The following ATG4B variants were observed in gnomAD, a reference collection of about 807,000 sequenced individuals.
ATG4B encodes autophagy related 4B cysteine peptidase.
A neutral mutation model predicts 56.6 loss-of-function variants in ATG4B; 29 were observed. The observed-to-expected ratio is 0.51, with a 90% CI of 0.38 to 0.70. The LOEUF (loss-of-function observed/expected upper bound fraction) is 0.70, where lower values mean the gene tolerates loss of function less well. ATG4B is among the 30% of genes least tolerant of loss of function. The pLI, the probability that ATG4B is intolerant of heterozygous loss-of-function variation, is 0.00. For synonymous variants in ATG4B, 224 were observed against 206.1 expected, an observed-to-expected ratio of 1.09 and a Z score of -0.74; for missense variants, 461 against 515.5, an observed-to-expected ratio of 0.89 and a Z score of 1.02.
At position 241,672,483 on chromosome 2, in the gene ATG4B, T is replaced by A. The variant is rs2125152985; in HGVS notation, c.*219T>A. 3.4e-6 allele frequency: 2 copies of A among 583,132 alleles called. No homozygotes were observed. The highest frequency in any genetic ancestry group is 4.6e-4 in the Middle Eastern group (1 of 2,176). 36.1% of individuals were successfully genotyped at this position (583,132 alleles called of 1,614,324 possible). A position where few individuals can be genotyped will look rare whatever the true frequency, so the allele number is the denominator to read the frequency against. On this transcript the variant is annotated 3_prime_UTR_variant, in exon 13 of 13. Transcript: ENST00000404914. ...CAGAGTGCCCGTCAGGGCCTGTGCA[T>A]CCGCACGCGGAGCCGTCTGTTAGGA...
chr2:241,647,461 A>T (rs2068095523), intron 1 of ATG4B, among the ~76,000 whole-genome samples: 1 of 151,678 alleles, frequency 6.6e-6, no homozygotes, highest in Non-Finnish European at 1.5e-5. Context: ...TACTAAAAAA[A>T]ATACAAAAAA....
Position 241,672,378 on chromosome 2 carries a change from C to G in ATG4B, c.*114C>G, listed in dbSNP as rs551843718. The G allele has an allele frequency of 2.3e-5, 22 of 953,650 alleles. No individual in the cohort carries two copies. Among genetic ancestry groups the G allele is most frequent in the African/African-American group, 3.3e-5 (2 of 61,072 alleles). The allele number at this position is 953,650 out of a possible 1,614,324, so 59.1% of individuals were successfully genotyped here. A position where few individuals can be genotyped will look rare whatever the true frequency, so the allele number is the denominator to read the frequency against. On this transcript the variant is annotated 3_prime_UTR_variant, in exon 13 of 13. Coordinates refer to ENST00000404914, the MANE Select transcript of ATG4B (RefSeq NM_013325.5). ...GGCTGCGCCCCGTGCTGCCTCCCCCCAGAGGGCCACCCGCTGTGCTCGTGG... is the reference window on the plus strand; with the variant it reads ...GGCTGCGCCCCGTGCTGCCTCCCCCGAGAGGGCCACCCGCTGTGCTCGTGG...
In ATG4B at chr2:241,668,372, T is replaced by A; in HGVS notation, c.811+151T>A. 1 of 1,356,874 alleles carries A rather than the reference T, an allele frequency of 7.4e-7. No homozygotes were observed. The highest frequency in any genetic ancestry group is 1.0e-6 in the Non-Finnish European group (1 of 978,332). 84.1% of individuals were successfully genotyped at this position (1,356,874 alleles called of 1,614,324 possible). On this transcript the variant is annotated intron_variant, in intron 9 of 12. Transcript: ENST00000404914. This position sits in a 1 kb window ranked among gnomAD's most constrained non-coding sequence, Gnocchi z 4.2. ...ATTTTCAGCCTGGTCGCGGGCGGCC[T>A]CCTGTGTGCCCCTTTCCCTGATGGT... is the stretch of plus-strand genomic sequence containing the variant.
At chr2:241,671,196 C>T (rs2068957135) in intron 11 of ATG4B, 116 bp from the exon 12 acceptor site, 3 of 892,662 alleles carry the variant, frequency 3.4e-6, no homozygotes, top group African/African-American at 1.7e-5. Flanking sequence ...TCTGTTTTCT[C>T]ATCAGTGAGA....
At chr2:241,638,634 A>T (rs944424770) in intron 1 of ATG4B, among the ~76,000 whole-genome samples, 1 of 152,050 alleles carries the variant, frequency 6.6e-6, no homozygotes, top group African/African-American at 2.4e-5. Context: ...TTTACTTTTT[A>T]TTTTTCTGGT....
chr2:241,657,225 TTCG>T (rs2068435059), intron 6 of ATG4B, among the ~76,000 whole-genome samples: 2 of 148,900 alleles, frequency 1.3e-5, no homozygotes, highest in Non-Finnish European at 3.0e-5. Context: ...TCCACCTGCC[TTCG>T]CCTCCCAGAG....
intron 1 of ATG4B, among the ~76,000 whole-genome samples, chr2:241,639,710 C>G (rs2067828331): frequency 6.6e-6 from 1 of 152,152 alleles, no homozygotes; most frequent in South Asian, 2.1e-4. Context: ...GGGTCCAGGG[C>G]TTTTATAGGC....
Position 241,672,204 on chromosome 2 carries a change from A to G in ATG4B, c.1122A>G (p.Val374=). ...VLNLSLDSSD[V]ERLERFFDSE... Reference sequence around the variant, plus strand: ...TGTTCCTTCTAGATTCTTCTGATGTAGAGCGACTGGAAAGATTCTTCGACT... The same window carrying G: ...TGTTCCTTCTAGATTCTTCTGATGTGGAGCGACTGGAAAGATTCTTCGACT... The change falls in exon 13 of 13, where the codon GTA becomes GTG. Residue 374 remains valine, a synonymous_variant. Transcript: ENST00000404914. 1 of 1,583,520 alleles carries G rather than the reference A, an allele frequency of 6.3e-7. No homozygotes were observed.
chr2:241,672,416 C>T lies in ATG4B; in HGVS notation c.*152C>T. ...GCTGTGCTCGTGGACTGAGGCTGCG[C>T]TGCCCGGGAGGCCTTACTGCTTGGT... On this transcript the variant is annotated 3_prime_UTR_variant, in exon 13 of 13. Coordinates refer to ENST00000404914, the MANE Select transcript of ATG4B (RefSeq NM_013325.5). 1.4e-6 allele frequency: 1 copy of T among 708,668 alleles called. No individual in the cohort carries two copies. Among genetic ancestry groups the T allele is most frequent in the Admixed American group, 2.6e-5 (1 of 38,040 alleles). The allele number at this position is 708,668 out of a possible 1,614,324, so 43.9% of individuals were successfully genotyped here. A position where few individuals can be genotyped will look rare whatever the true frequency, so the allele number is the denominator to read the frequency against.
intron 7 of ATG4B, 137 bp from the exon 8 acceptor site, chr2:241,666,508 T>C: frequency 1.1e-6 from 1 of 920,150 alleles, no homozygotes; most frequent in Non-Finnish European, 1.7e-6. Flanking sequence ...TTCTATATTT[T>C]CCAAGTTTGA....
At chr2:241,664,294 G>A (rs1274925469) in intron 7 of ATG4B, among the ~76,000 whole-genome samples, 2 of 152,118 alleles carry the variant, frequency 1.3e-5, no homozygotes, top group African/African-American at 2.4e-5. Context: ...TTTGGGAGGT[G>A]GAGGCAGGCA....
rs376588808 is a variant in ATG4B at position 241,655,347 on chromosome 2, T to G, written c.458+4T>G. 1 of 1,605,394 alleles carries G rather than the reference T, an allele frequency of 6.2e-7. No homozygotes were observed. Among genetic ancestry groups the G allele is most frequent in the East Asian group, 2.2e-5 (1 of 44,492 alleles). ...ACACTGTCGCCCAGGTCCTGAAGTA[T>G]GTACTGCGCTTCCACTGCTGAGCAT... On this transcript the variant is annotated splice_donor_region_variant and intron_variant, in intron 6 of 12. Coordinates refer to ENST00000404914, the MANE Select transcript of ATG4B (RefSeq NM_013325.5).
rs867768322 is a variant in ATG4B at position 241,651,783 on chromosome 2, A to G, written c.184+448A>G. ...TTGGAAGCCATTCTCTGTAGCCCTC[A>G]TCTTTTTTAGTATTTTCCACACTTA... On this transcript the variant is annotated intron_variant, in intron 3 of 12. Coordinates refer to ENST00000404914, the MANE Select transcript of ATG4B (RefSeq NM_013325.5). The surrounding 1 kb of genome is among the most constrained non-coding windows in gnomAD (Gnocchi z 4.1). 3.1e-5 allele frequency: 24 copies of G among 766,574 alleles called. No homozygotes were observed. The African/African-American group carries it at 3.4e-4, about 11-fold the overall frequency. 47.5% of individuals were successfully genotyped at this position (766,574 alleles called of 1,614,324 possible).
intron 6 of ATG4B, among the ~76,000 whole-genome samples, chr2:241,656,593 T>A (rs764623759): frequency 6.6e-6 from 1 of 152,334 alleles, no homozygotes; most frequent in Admixed American, 6.5e-5. Flanking sequence ...CCCCTGTTGC[T>A]GGATGATCCT....
chr2:241,648,984 C>T (rs2068147701), intron 1 of ATG4B, among the ~76,000 whole-genome samples: 1 of 152,250 alleles, frequency 6.6e-6, no homozygotes, highest in African/African-American at 2.4e-5. Context: ...CTTCTGTCTG[C>T]CAGCCAGCAC....
At chr2:241,648,114 A>G (rs968936810) in intron 1 of ATG4B, among the ~76,000 whole-genome samples, 1 of 152,206 alleles carries the variant, frequency 6.6e-6, no homozygotes, top group Non-Finnish European at 1.5e-5. Flanking sequence ...ACTCCATCAC[A>G]AAAGAATAAA....
At chr2:241,650,331 G>A (rs2068191647) in intron 1 of ATG4B, among the ~76,000 whole-genome samples, 2 of 152,154 alleles carry the variant, frequency 1.3e-5, no homozygotes, top group Admixed American at 6.5e-5. Flanking sequence ...CAGTGTCCAG[G>A]GGTTAACTTT....
At chr2:241,672,022 C>G (rs988019030) in intron 12 of ATG4B, 169 bp from the exon 13 acceptor site, 5 of 1,430,056 alleles carry the variant, frequency 3.5e-6, no homozygotes, top group Admixed American at 2.9e-5. Context: ...TCCCTCCCCC[C>G]ATATTCGCAG....
chr2:241,657,701 C>CT lies in ATG4B; in HGVS notation c.459-1404dup, dbSNP rs199560433. 6.6e-3 allele frequency among the ~76,000 whole-genome samples: 1,003 copies of CT among 152,346 alleles called. 16 individuals carry two copies. Among genetic ancestry groups the CT allele is most frequent in the African/African-American group, 0.023 (952 of 41,576 alleles). On this transcript the variant is annotated intron_variant, in intron 6 of 12. Coordinates refer to ENST00000404914, the MANE Select transcript of ATG4B (RefSeq NM_013325.5). ...GTCCAGACTCTGACCAGTGTTCATCCTTTCACTCCCTGTGCTGGTCCCAGC... is the reference window on the plus strand; with the variant it reads ...GTCCAGACTCTGACCAGTGTTCATCCTTTTCACTCCCTGTGCTGGTCCCAGC...
Sources: gnomAD v4.1 joint callset for allele counts (sites outside exome capture counted in the v4.1 genomes callset) on GRCh38, gnomAD v4.1.1 for gene constraint, Gnocchi (gnomAD v3.1) non-coding constraint, MANE v1.5 for transcripts, NCBI Gene and HGNC (gene_info 2026-07-23, HGNC 2026-07-21) for gene names.